EIF2AK4: variants seen among roughly 807,000 people sequenced by gnomAD.
The protein encoded by EIF2AK4 is eIF-2-alpha kinase GCN2.
EIF2AK4 carries 139 observed loss-of-function variants against 211.1 expected under a neutral mutation model. That is an observed-to-expected ratio of 0.66 (90% confidence interval 0.57 to 0.76). The LOEUF (loss-of-function observed/expected upper bound fraction) is 0.76. Among genes scored for constraint, EIF2AK4 ranks in the 30% least tolerant of loss-of-function variants. The pLI is 0.00. For missense variants in EIF2AK4, 1,664 were observed against 2,043.8 expected (o/e 0.81, Z 3.58); for synonymous variants, 710 against 751.3 (o/e 0.94, Z 0.90).
intron 1 of EIF2AK4, among the ~76,000 whole-genome samples, chr15:39,939,202 C>T (rs762385406): frequency 6.6e-6 from 1 of 152,154 alleles, no homozygotes; most frequent in African/African-American, 2.4e-5. Flanking sequence ...TAAATTTACC[C>T]CTGCACTCCC....
At chr15:40,013,683 A>C (rs1567005292) in intron 27 of EIF2AK4, among the ~76,000 whole-genome samples, 1 of 152,200 alleles carries the variant, frequency 6.6e-6, no homozygotes, top group Non-Finnish European at 1.5e-5. Flanking sequence ...ACCCGCCCCC[A>C]CGATTCAATT....
Position 39,946,869 on chromosome 15 carries a change from G to A in EIF2AK4, c.361-2247G>A, listed in dbSNP as rs2140900788. The A allele has an allele frequency of 8.9e-6, 5 of 559,888 alleles. No homozygotes were observed. In the South Asian group the frequency reaches 1.2e-4, roughly 13 times the overall value. The allele number at this position is 559,888 out of a possible 1,614,324, so 34.7% of individuals were successfully genotyped here. ...TTCAGATGATCATTAGCATTTTTTA[G>A]CAATAAAGTATTTTAAAATTAAGGT... On this transcript the variant is annotated intron_variant, in intron 3 of 38. Coordinates refer to ENST00000263791, the MANE Select transcript of EIF2AK4 (RefSeq NM_001013703.4).
intron 13 of EIF2AK4, among the ~76,000 whole-genome samples, chr15:39,980,209 T>C (rs765557538): frequency 6.6e-6 from 1 of 152,234 alleles, no homozygotes; most frequent in Non-Finnish European, 1.5e-5. Context: ...TCATAGGAAC[T>C]GAAATAGACG....
chr15:39,959,357 A>G lies in EIF2AK4; in HGVS notation c.744-2427A>G, dbSNP rs981134787. ...AATCTTTTTGGCGAAAACAATAGAT[A>G]TGGATGACATTGCATTTGTCTCTTT... On this transcript the variant is annotated intron_variant, in intron 6 of 38. Coordinates refer to ENST00000263791, the MANE Select transcript of EIF2AK4 (RefSeq NM_001013703.4). 3.9e-5 allele frequency among the ~76,000 whole-genome samples: 6 copies of G among 152,242 alleles called. No homozygotes were observed. The East Asian group carries it at 9.6e-4, about 24-fold the overall frequency.
intron 23 of EIF2AK4, among the ~76,000 whole-genome samples, chr15:40,006,397 T>C (rs1442377017): frequency 6.6e-6 from 1 of 152,232 alleles, no homozygotes; most frequent in African/African-American, 2.4e-5. Flanking sequence ...GAGACTAAAG[T>C]GCAGATTTTT....
chr15:40,000,949 A>G (rs2035081279), intron 20 of EIF2AK4, 39 bp from the exon 21 acceptor site: 2 of 1,599,364 alleles, frequency 1.3e-6, no homozygotes, highest in East Asian at 4.5e-5. Flanking sequence ...AGCATTATCC[A>G]TTGCATCCCA....
intron 19 of EIF2AK4, 38 bp from the exon 20 acceptor site, chr15:39,998,693 T>C (rs755454331): frequency 1.8e-5 from 28 of 1,543,938 alleles, no homozygotes; most frequent in Non-Finnish European, 2.4e-5. Flanking sequence ...ACTGTGGCAG[T>C]CTGCCAAAAC....
chr15:40,034,963 T>C lies in EIF2AK4; in HGVS notation c.4893-64T>C, dbSNP rs1046155432. 3 of 1,334,882 alleles carry C rather than the reference T, an allele frequency of 2.2e-6. No homozygotes were observed. The African/African-American group carries it at 4.4e-5, about 20-fold the overall frequency. The allele number at this position is 1,334,882 out of a possible 1,614,324, so 82.7% of individuals were successfully genotyped here. A position where few individuals can be genotyped will look rare whatever the true frequency, so the allele number is the denominator to read the frequency against. On this transcript the variant is annotated intron_variant, in intron 38 of 38. Transcript: ENST00000263791. The stretch of plus-strand genomic sequence containing the variant: ...AGCTCCTACAGGTGTTATAAAAATT[T>C]ATTAGCTCTGTTCTTCACTCATTAA...
chr15:39,968,712 A>G (rs1322405919), intron 9 of EIF2AK4, among the ~76,000 whole-genome samples: 4 of 152,054 alleles, frequency 2.6e-5, no homozygotes, highest in Non-Finnish European at 4.4e-5. Context: ...TTCCATTTGC[A>G]ACATTTCTTT....
Position 39,949,146 on chromosome 15 carries a change from C to G in EIF2AK4, c.391C>G (p.Gln131Glu). The stretch of plus-strand genomic sequence containing the variant: ...GATCTTTGAACTGGCTTACCACGTG[C>G]AGTCATTTCTCAGCGAGCATAACAA... The part of the protein sequence containing the change: ...VMIFELAYHV[Q>E]SFLSEHNKPP... The change falls in exon 4 of 39, where the codon CAG (glutamine) becomes GAG (glutamate). Residue 131 changes from glutamine to glutamate, a missense_variant. Physicochemically the swap from Gln to Glu is conservative, Grantham distance 29. Transcript: ENST00000263791. 11 of 1,614,026 alleles carry G rather than the reference C, an allele frequency of 6.8e-6. No homozygotes were observed. The highest frequency in any genetic ancestry group is 9.3e-6 in the Non-Finnish European group (11 of 1,179,980).
In EIF2AK4 at chr15:40,022,706, C is replaced by T. The variant is rs1444546491; in HGVS notation, c.4389+101C>T. On this transcript the variant is annotated intron_variant, in intron 32 of 38. Transcript: ENST00000263791. ...CGGGCCGTGTAGGTGACTGGAAATC[C>T]GTTCCCTCTACTCTCCCTTTCCATT... The T allele has an allele frequency of 3.1e-5, 30 of 974,326 alleles. No individual in the cohort carries two copies. The Admixed American group carries it at 5.5e-4, about 18-fold the overall frequency. The allele number at this position is 974,326 out of a possible 1,614,324, so 60.4% of individuals were successfully genotyped here.
chr15:39,970,794 G>A (rs2034613335), intron 9 of EIF2AK4, among the ~76,000 whole-genome samples: 1 of 152,090 alleles, frequency 6.6e-6, no homozygotes, highest in Admixed American at 6.5e-5. Context: ...TATTTGCAAG[G>A]AGAAGGTATA....
intron 4 of EIF2AK4, among the ~76,000 whole-genome samples, chr15:39,952,055 T>A (rs1422797839): frequency 6.6e-6 from 1 of 152,170 alleles, no homozygotes; most frequent in East Asian, 1.9e-4. Context: ...CCCTTCATCT[T>A]CCATTGTTTT....
intron 27 of EIF2AK4, among the ~76,000 whole-genome samples, chr15:40,013,595 T>C (rs1348154116): frequency 1.3e-5 from 2 of 152,024 alleles, no homozygotes; most frequent in Non-Finnish European, 2.9e-5. Context: ...AGAGAGAACT[T>C]GTGCAGAGGA....
Position 39,973,024 on chromosome 15 carries a change from T to C in EIF2AK4, c.1660+10T>C. On this transcript the variant is annotated intron_variant, in intron 10 of 38. Coordinates refer to ENST00000263791, the MANE Select transcript of EIF2AK4 (RefSeq NM_001013703.4). Reference sequence around the variant, plus strand: ...GAACAAAGTCCTGAAGGTGAGTCTGTTACCTTTCTTTATTTGGTAACCTGT... The same window carrying C: ...GAACAAAGTCCTGAAGGTGAGTCTGCTACCTTTCTTTATTTGGTAACCTGT... 6.2e-7 allele frequency: 1 copy of C among 1,605,272 alleles called. No homozygotes were observed. The highest frequency in any genetic ancestry group is 1.1e-5 in the South Asian group (1 of 90,874).
chr15:39,992,642 T>C, intron 17 of EIF2AK4, 127 bp from the exon 18 acceptor site: 1 of 750,978 alleles, frequency 1.3e-6, no homozygotes, highest in Non-Finnish European at 2.3e-6. Flanking sequence ...CATGCTCTGC[T>C]TCCTGTGAGT....
At chr15:39,998,257 GT>G (rs752625722) in intron 19 of EIF2AK4, among the ~76,000 whole-genome samples, 1,586 of 109,682 alleles carry the variant, frequency 0.014, 35 homozygotes, top group African/African-American at 0.048. Flanking sequence ...TATGGGTGTG[GT>G]TTTTTTTTTT....
rs2035075817 is a variant in EIF2AK4 at position 40,000,498 on chromosome 15, A to C, written c.2923-490A>C. ...TGTGAAGATATAACAAATCAGTAAC[A>C]TAAATCAAGAGAATTCAAGGGAATG... On this transcript the variant is annotated intron_variant, in intron 20 of 38. Coordinates refer to ENST00000263791, the MANE Select transcript of EIF2AK4 (RefSeq NM_001013703.4). Among the ~76,000 whole-genome samples, 4 of 152,376 alleles carry C rather than the reference A, an allele frequency of 2.6e-5. No homozygotes were observed. The South Asian group carries it at 8.3e-4, about 32-fold the overall frequency.
At chr15:39,947,081 A>G (rs1365377022) in intron 3 of EIF2AK4, among the ~76,000 whole-genome samples, 2 of 152,206 alleles carry the variant, frequency 1.3e-5, no homozygotes, top group African/African-American at 2.4e-5. Flanking sequence ...CTGTGCTAGC[A>G]TTCATCTGAG....
Sources: gnomAD v4.1 joint callset for allele counts (sites outside exome capture counted in the v4.1 genomes callset) on GRCh38, gnomAD v4.1.1 for gene constraint, MANE v1.5 for transcripts, NCBI Gene and HGNC (gene_info 2026-07-23, HGNC 2026-07-21) for gene names.